AKR1C8: variants seen among roughly 807,000 people sequenced by gnomAD.
AKR1C8 encodes aldo-keto reductase family 1 member C8.
the AKR1C8 span, among the ~76,000 whole-genome samples, chr10:5,145,677 T>C: frequency 2.0e-5 from 3 of 152,040 alleles, no homozygotes; most frequent in Non-Finnish European, 4.4e-5. Context: ...AGAATGGCAA[T>C]CATTAAAAAG....
the AKR1C8 span, chr10:5,135,372 G>A: frequency 1.3e-5 from 2 of 153,230 alleles, no homozygotes; most frequent in East Asian, 3.9e-4. Context: ...AGAGGCAAGT[G>A]ATGGTGTATT....
chr10:5,137,639 T>C, the AKR1C8 span, among the ~76,000 whole-genome samples: 1 of 152,138 alleles, frequency 6.6e-6, no homozygotes, highest in African/African-American at 2.4e-5. Flanking sequence ...GGGCAAAAAC[T>C]GGAAGCATTC....
At chr10:5,148,874 AG>A in the AKR1C8 span, among the ~76,000 whole-genome samples, 2 of 152,052 alleles carry the variant, frequency 1.3e-5, no homozygotes, top group African/African-American at 4.8e-5. Context: ...ATGTCATACC[AG>A]GAAGTCTAAT....
At chr10:5,125,300 G>A in the AKR1C8 span, among the ~76,000 whole-genome samples, 15 of 152,042 alleles carry the variant, frequency 9.9e-5, no homozygotes, top group Non-Finnish European at 1.8e-4. Flanking sequence ...ATAATCTGAG[G>A]TCATTATTGG....
chr10:5,153,111 T>C, the AKR1C8 span, among the ~76,000 whole-genome samples: 1 of 152,192 alleles, frequency 6.6e-6, no homozygotes, highest in Non-Finnish European at 1.5e-5. Flanking sequence ...GCATTCATAG[T>C]TGACATTCTC....
At chr10:5,141,694 C>T in the AKR1C8 span, among the ~76,000 whole-genome samples, 1 of 152,088 alleles carries the variant, frequency 6.6e-6, no homozygotes, top group Admixed American at 6.6e-5. Flanking sequence ...AGGTGTATTG[C>T]CATTCAACAG....
At chr10:5,166,744 T>C in the AKR1C8 span, among the ~76,000 whole-genome samples, 34 of 152,064 alleles carry the variant, frequency 2.2e-4, no homozygotes, top group African/African-American at 7.5e-4. Flanking sequence ...ACTTCATGTC[T>C]AAAACACCAA....
the AKR1C8 span, chr10:5,162,106 CAT>C: frequency 2.6e-6 from 1 of 390,364 alleles, no homozygotes; most frequent in Non-Finnish European, 5.1e-6. Context: ...TGGGACTAAA[CAT>C]ATGTTACTCA....
the AKR1C8 span, among the ~76,000 whole-genome samples, chr10:5,142,936 T>C: frequency 2.0e-5 from 3 of 151,976 alleles, no homozygotes; most frequent in Admixed American, 2.0e-4. Flanking sequence ...TACAGTATCT[T>C]TGAAGGACAA....
chr10:5,119,465 T>C, the AKR1C8 span, among the ~76,000 whole-genome samples: 4 of 152,116 alleles, frequency 2.6e-5, no homozygotes, highest in African/African-American at 9.7e-5. Context: ...CATAGGAAAA[T>C]TATGAAGAAA....
At chr10:5,168,603 A>G in the AKR1C8 span, among the ~76,000 whole-genome samples, 1 of 152,182 alleles carries the variant, frequency 6.6e-6, no homozygotes, top group Admixed American at 6.5e-5. Context: ...TCTTACATAG[A>G]GAGATGTTAT....
At chr10:5,138,602 T>C in the AKR1C8 span, among the ~76,000 whole-genome samples, 3 of 152,170 alleles carry the variant, frequency 2.0e-5, no homozygotes, top group African/African-American at 7.2e-5. Context: ...CTTATGAAGA[T>C]AACAGGATTA....
chr10:5,144,931 G>C, the AKR1C8 span, among the ~76,000 whole-genome samples: 2 of 151,920 alleles, frequency 1.3e-5, no homozygotes, highest in African/African-American at 4.8e-5. Flanking sequence ...GTGAGAGAGG[G>C]CATCCCTGTC....
chr10:5,147,610 G>A, the AKR1C8 span, among the ~76,000 whole-genome samples: 2 of 152,062 alleles, frequency 1.3e-5, no homozygotes, highest in Non-Finnish European at 2.9e-5. Flanking sequence ...CAAGGCAGAC[G>A]TTCAACCTTA....
chr10:5,154,443 G>A, the AKR1C8 span: 1 of 257,228 alleles, frequency 3.9e-6, no homozygotes, highest in Non-Finnish European at 7.8e-6. Flanking sequence ...TCCTTTTTAT[G>A]TTCATTTTTC....
chr10:5,133,772 G>T, the AKR1C8 span, among the ~76,000 whole-genome samples: 19 of 152,248 alleles, frequency 1.2e-4, no homozygotes, highest in Admixed American at 6.5e-4. Flanking sequence ...TTGAAAACAG[G>T]TACATCTACG....
At chr10:5,160,750 C>A in the AKR1C8 span, 15 of 458,434 alleles carry the variant, frequency 3.3e-5, 1 homozygote, top group South Asian at 2.3e-4. Context: ...CTCTTCTGAC[C>A]CCTCCTCCTG....
the AKR1C8 span, among the ~76,000 whole-genome samples, chr10:5,175,422 G>C: frequency 6.6e-6 from 1 of 152,040 alleles, no homozygotes; most frequent in African/African-American, 2.4e-5. Context: ...TGTGAATAGT[G>C]CTGCAATAAA....
At chr10:5,131,887 A>G in the AKR1C8 span, among the ~76,000 whole-genome samples, 2 of 152,300 alleles carry the variant, frequency 1.3e-5, no homozygotes, top group Non-Finnish European at 2.9e-5. Context: ...ACATGCACAC[A>G]CGTGTATAGC....
Sources: allele counts gnomAD v4.1 joint callset (sites outside exome capture counted in the v4.1 genomes callset), GRCh38; gene constraint gnomAD v4.1.1; transcripts MANE v1.5; gene names NCBI Gene and HGNC (gene_info 2026-07-23, HGNC 2026-07-21).